NLGN1: variants seen among roughly 807,000 people sequenced by gnomAD.
NLGN1 encodes neuroligin-1.
NLGN1 carries 12 observed loss-of-function variants against 65.5 expected under a neutral mutation model. That is an observed-to-expected ratio of 0.18 (90% CI 0.12 to 0.30). NLGN1 has a LOEUF of 0.30. NLGN1 is among the 10% of genes least tolerant of loss of function. The probability of loss-of-function intolerance (pLI) is 1.00; values close to 1 mark genes in which losing one functional copy is unlikely to be tolerated. For synonymous variants in NLGN1, 350 were observed against 359.5 expected, an observed-to-expected ratio of 0.97 and a Z score of 0.30; for missense variants, 750 against 1,007.1, an observed-to-expected ratio of 0.74 and a Z score of 3.46.
At chr3:174,047,170 C>T (rs890317982) in intron 4 of NLGN1, among the ~76,000 whole-genome samples, 3 of 151,718 alleles carry the variant, frequency 2.0e-5, no homozygotes, top group Non-Finnish European at 4.4e-5. Context: ...ATAATTTTAC[C>T]ATAATTCACC....
chr3:173,890,663 T>A (rs192420227), intron 4 of NLGN1, among the ~76,000 whole-genome samples: 32 of 152,286 alleles, frequency 2.1e-4, no homozygotes, highest in Admixed American at 3.9e-4. Flanking sequence ...AATAACAAAG[T>A]ACTCTTAAGG....
At chr3:174,098,341 A>C (rs1711567632) in intron 4 of NLGN1, among the ~76,000 whole-genome samples, 1 of 152,164 alleles carries the variant, frequency 6.6e-6, no homozygotes, top group South Asian at 2.1e-4. Context: ...AAAAGGAAAA[A>C]AAAATTAAGA....
intron 4 of NLGN1, among the ~76,000 whole-genome samples, chr3:174,234,739 A>G (rs1741353018): frequency 6.6e-6 from 1 of 152,176 alleles, no homozygotes; most frequent in Non-Finnish European, 1.5e-5. Flanking sequence ...TGCTCTGTTC[A>G]TGTCTGACTA....
chr3:174,274,832 A>G (rs943429586), intron 4 of NLGN1, among the ~76,000 whole-genome samples: 7 of 151,130 alleles, frequency 4.6e-5, no homozygotes, highest in Non-Finnish European at 1.0e-4. Flanking sequence ...TTTCTCTACA[A>G]GTCTTACAGA....
chr3:173,644,438 GCTA>G (rs1757922528), intron 3 of NLGN1: 1 of 155,538 alleles, frequency 6.4e-6, no homozygotes. Context: ...GCTACCCACT[GCTA>G]CTGCGCTGCC....
chr3:174,195,243 A>G lies in NLGN1; in HGVS notation c.647-80072A>G, dbSNP rs112745791. Among the ~76,000 whole-genome samples, 1,331 of 152,292 alleles carry G rather than the reference A, an allele frequency of 8.7e-3. 8 individuals carry two copies. Among genetic ancestry groups the G allele is most frequent in the Non-Finnish European group, 0.014 (934 of 68,036 alleles). ...TTTAAACTAGTTCCCTTCCCATCATATATAGTAATTGTTGAAGAGTTATGT... is the reference window on the plus strand; with the variant it reads ...TTTAAACTAGTTCCCTTCCCATCATGTATAGTAATTGTTGAAGAGTTATGT... On this transcript the variant is annotated intron_variant, in intron 4 of 6. Transcript: ENST00000457714.
chr3:173,454,610 C>A (rs1418366531), intron 2 of NLGN1, among the ~76,000 whole-genome samples: 2 of 152,206 alleles, frequency 1.3e-5, no homozygotes, highest in Non-Finnish European at 1.5e-5. Context: ...GAACCAATTT[C>A]TCCATGCTTC....
intron 3 of NLGN1, among the ~76,000 whole-genome samples, chr3:173,650,090 A>G (rs143914907): frequency 8.9e-4 from 136 of 152,190 alleles, no homozygotes; most frequent in Middle Eastern, 3.4e-3. Flanking sequence ...TTTGTTACAC[A>G]AATAGTGGCA....
exon 7 of NLGN1, chr3:174,285,888 G>A (rs918741762): frequency 3.3e-5 from 5 of 151,338 alleles, no homozygotes; most frequent in Non-Finnish European, 4.4e-5. Context: ...AGTTTATTTG[G>A]ACATTTTTAC....
At chr3:174,242,914 C>T (rs531990267) in intron 4 of NLGN1, among the ~76,000 whole-genome samples, 2 of 151,888 alleles carry the variant, frequency 1.3e-5, no homozygotes, top group Non-Finnish European at 2.9e-5. Context: ...GATCTAACGG[C>T]GTTAAATGAA....
intron 4 of NLGN1, among the ~76,000 whole-genome samples, chr3:173,839,116 T>G (rs1724257569): frequency 6.6e-6 from 1 of 151,082 alleles, no homozygotes; most frequent in Non-Finnish European, 1.5e-5. Flanking sequence ...TTTTACAGAT[T>G]AGGATTCAAG....
At chr3:174,162,608 T>C (rs2152722674) in intron 4 of NLGN1, among the ~76,000 whole-genome samples, 1 of 152,034 alleles carries the variant, frequency 6.6e-6, no homozygotes, top group African/African-American at 2.4e-5. Context: ...ATTCATTATA[T>C]ATATTCATTA....
intron 1 of NLGN1, among the ~76,000 whole-genome samples, chr3:173,431,775 AG>A (rs1168554120): frequency 6.6e-6 from 1 of 152,176 alleles, no homozygotes; most frequent in East Asian, 1.9e-4. Flanking sequence ...GGTGTAGTAC[AG>A]TCAGTGGATT....
At chr3:173,580,893 G>T (rs999882136) in intron 2 of NLGN1, among the ~76,000 whole-genome samples, 3 of 141,766 alleles carry the variant, frequency 2.1e-5, no homozygotes, top group Non-Finnish European at 3.1e-5. Context: ...AGGATTTGTG[G>T]TAGTTGGCTG....
At chr3:173,447,992 T>C (rs542939680) in intron 2 of NLGN1, among the ~76,000 whole-genome samples, 1 of 152,334 alleles carries the variant, frequency 6.6e-6, no homozygotes, top group South Asian at 2.1e-4. Flanking sequence ...AGATATACAA[T>C]CATGTCATCT....
chr3:173,759,936 A>G (rs1777714564), intron 3 of NLGN1, among the ~76,000 whole-genome samples: 1 of 151,954 alleles, frequency 6.6e-6, no homozygotes, highest in African/African-American at 2.4e-5. Context: ...GGGTGACACA[A>G]GGATCTAATG....
At chr3:173,780,744 T>C (rs988888928) in intron 3 of NLGN1, among the ~76,000 whole-genome samples, 2 of 152,234 alleles carry the variant, frequency 1.3e-5, no homozygotes, top group African/African-American at 2.4e-5. Context: ...CATTTAAAGG[T>C]GTGCCCAGAG....
At chr3:174,016,533 G>A (rs1726589169) in intron 4 of NLGN1, among the ~76,000 whole-genome samples, 1 of 152,112 alleles carries the variant, frequency 6.6e-6, no homozygotes, top group Non-Finnish European at 1.5e-5. Flanking sequence ...GGTTTTCTTG[G>A]CATAGGGAGT....
At chr3:174,088,022 A>ATGCTAT (rs563089198) in intron 4 of NLGN1, among the ~76,000 whole-genome samples, 2 of 152,344 alleles carry the variant, frequency 1.3e-5, no homozygotes, top group Admixed American at 1.3e-4. Flanking sequence ...CATGGCATAT[A>ATGCTAT]TGCTATTATA....
Sources: gnomAD v4.1 joint callset for allele counts (sites outside exome capture counted in the v4.1 genomes callset) on GRCh38, gnomAD v4.1.1 for gene constraint, MANE v1.5 for transcripts, NCBI Gene and HGNC (gene_info 2026-07-23, HGNC 2026-07-21) for gene names.